ST6GALNAC3: variants seen among roughly 807,000 people sequenced by gnomAD.
The protein encoded by ST6GALNAC3 is ST6 N-acetylgalactosaminide alpha-2,6-sialyltransferase 3.
Under a neutral mutation model 32.7 loss-of-function variants are expected in ST6GALNAC3, and 25 were observed. The observed-to-expected ratio is 0.76, with a 90% confidence interval of 0.56 to 1.07. The LOEUF (loss-of-function observed/expected upper bound fraction) is 1.07. Ranked by LOEUF, ST6GALNAC3 falls within the 50% of genes least tolerant of loss-of-function variation. The probability of loss-of-function intolerance (pLI) is 0.00; values close to 1 mark genes in which losing one functional copy is unlikely to be tolerated. For missense variants in ST6GALNAC3, 355 were observed against 382.4 expected (o/e 0.93, Z 0.60); for synonymous variants, 129 against 133.1 (o/e 0.97, Z 0.21).
intron 3 of ST6GALNAC3, among the ~76,000 whole-genome samples, chr1:76,619,772 G>A (rs1363390090): frequency 6.6e-6 from 1 of 152,076 alleles, no homozygotes; most frequent in Non-Finnish European, 1.5e-5. Flanking sequence ...TACCAGGTTA[G>A]GGGATAGATC....
intron 1 of ST6GALNAC3, chr1:76,305,799 A>G (rs1439099648): frequency 2.2e-6 from 1 of 455,918 alleles, no homozygotes; most frequent in Non-Finnish European, 4.3e-6. Context: ...AGAATTATTT[A>G]TATAATCTCA....
At chr1:76,612,671 C>G (rs1191336878) in intron 3 of ST6GALNAC3, among the ~76,000 whole-genome samples, 1 of 152,240 alleles carries the variant, frequency 6.6e-6, no homozygotes, top group Admixed American at 6.5e-5. Flanking sequence ...TCGGCAGTTG[C>G]ACTTTTAAAA....
intron 1 of ST6GALNAC3, among the ~76,000 whole-genome samples, chr1:76,286,349 C>T (rs1333988911): frequency 3.3e-5 from 5 of 152,296 alleles, no homozygotes; most frequent in Non-Finnish European, 7.4e-5. Context: ...TAACCTTATA[C>T]CCAGTAATGA....
chr1:76,481,055 A>G (rs1256774642), intron 3 of ST6GALNAC3, among the ~76,000 whole-genome samples: 3 of 152,130 alleles, frequency 2.0e-5, no homozygotes. Flanking sequence ...CTGTGTATCT[A>G]TTGAAAATCT....
At chr1:76,147,554 A>C in intron 1 of ST6GALNAC3, among the ~76,000 whole-genome samples, 1 of 152,134 alleles carries the variant, frequency 6.6e-6, no homozygotes, top group East Asian at 1.9e-4. Flanking sequence ...TTTATGACAG[A>C]GAACTTTACC....
intron 1 of ST6GALNAC3, among the ~76,000 whole-genome samples, chr1:76,111,895 C>G (rs368807211): frequency 3.9e-5 from 6 of 152,280 alleles, no homozygotes; most frequent in Admixed American, 1.3e-4. Flanking sequence ...ACCTTTCCCC[C>G]CTTTCTATTC....
At chr1:76,618,744 A>G (rs1648452431) in intron 3 of ST6GALNAC3, among the ~76,000 whole-genome samples, 1 of 152,114 alleles carries the variant, frequency 6.6e-6, no homozygotes, top group Non-Finnish European at 1.5e-5. Context: ...TGTTCTCACG[A>G]TAAAGAGGAA....
At chr1:76,258,390 T>C (rs950462113) in intron 1 of ST6GALNAC3, among the ~76,000 whole-genome samples, 2 of 152,232 alleles carry the variant, frequency 1.3e-5, no homozygotes, top group Non-Finnish European at 2.9e-5. Context: ...CATCAAATAC[T>C]GCTTCTTCAG....
At chr1:76,591,817 C>T (rs1158645483) in intron 3 of ST6GALNAC3, among the ~76,000 whole-genome samples, 1 of 152,114 alleles carries the variant, frequency 6.6e-6, no homozygotes, top group Non-Finnish European at 1.5e-5. Flanking sequence ...CTAAGAAGGA[C>T]GTTCCAGAAG....
At chr1:76,160,785 T>C (rs1478337273) in intron 1 of ST6GALNAC3, among the ~76,000 whole-genome samples, 2 of 152,230 alleles carry the variant, frequency 1.3e-5, no homozygotes, top group African/African-American at 4.8e-5. Flanking sequence ...CAAGCTCTTA[T>C]TTCCTTGCAG....
At chr1:76,156,978 G>A (rs541634913) in intron 1 of ST6GALNAC3, among the ~76,000 whole-genome samples, 3 of 152,188 alleles carry the variant, frequency 2.0e-5, no homozygotes, top group Non-Finnish European at 2.9e-5. Flanking sequence ...TGATCTGCCC[G>A]CCTTGGCCTC....
intron 1 of ST6GALNAC3, among the ~76,000 whole-genome samples, chr1:76,275,018 T>C (rs1659055403): frequency 6.6e-6 from 1 of 152,232 alleles, no homozygotes; most frequent in African/African-American, 2.4e-5. Flanking sequence ...GTGGTGTCCC[T>C]GTAGACAGAG....
chr1:76,341,605 T>TTTGCTTGC (rs952057105), intron 2 of ST6GALNAC3, among the ~76,000 whole-genome samples: 6 of 91,186 alleles, frequency 6.6e-5, no homozygotes, highest in Non-Finnish European at 1.3e-4. Context: ...TCCAAACTGC[T>TTTGCTTGC]TTTCTTTCTT....
chr1:76,158,686 G>T lies in ST6GALNAC3; in HGVS notation c.18+83802G>T, dbSNP rs1173636368. ...AGTAGCTACCTCACTGGTCATAAGG[G>T]TTAAATAAGATAATGTATAAGACAG... On this transcript the variant is annotated intron_variant, in intron 1 of 4. Transcript: ENST00000328299. Among the ~76,000 whole-genome samples, 4 of 152,176 alleles carry T rather than the reference G, an allele frequency of 2.6e-5. No individual in the cohort carries two copies. The East Asian group carries it at 5.8e-4, about 22-fold the overall frequency.
chr1:76,336,902 C>T (rs931459112), intron 2 of ST6GALNAC3, among the ~76,000 whole-genome samples: 16 of 152,186 alleles, frequency 1.1e-4, no homozygotes, highest in Non-Finnish European at 2.4e-4. Context: ...AGTTGCTCCC[C>T]CTCCTCATTG....
chr1:76,554,234 C>T (rs1664791745), intron 3 of ST6GALNAC3, among the ~76,000 whole-genome samples: 1 of 152,122 alleles, frequency 6.6e-6, no homozygotes, highest in Non-Finnish European at 1.5e-5. Context: ...TAAATCTACA[C>T]CTTTATGGCC....
intron 2 of ST6GALNAC3, among the ~76,000 whole-genome samples, chr1:76,316,092 C>T (rs570598670): frequency 1.3e-4 from 20 of 151,980 alleles, no homozygotes; most frequent in East Asian, 9.7e-4. Flanking sequence ...ATACATGAAA[C>T]GCCAGATTGG....
At chr1:76,439,402 G>A (rs1656385001) in intron 3 of ST6GALNAC3, among the ~76,000 whole-genome samples, 1 of 152,140 alleles carries the variant, frequency 6.6e-6, no homozygotes, top group South Asian at 2.1e-4. Context: ...AAAAAAGGAA[G>A]TTTGTTTAAA....
intron 3 of ST6GALNAC3, among the ~76,000 whole-genome samples, chr1:76,518,026 AC>A (rs1662278601): frequency 6.6e-6 from 1 of 152,016 alleles, no homozygotes; most frequent in Admixed American, 6.6e-5. Flanking sequence ...GTTGGATATA[AC>A]TTTTAATATT....
Sources: allele counts gnomAD v4.1 joint callset (sites outside exome capture counted in the v4.1 genomes callset), GRCh38; gene constraint gnomAD v4.1.1; transcripts MANE v1.5; gene names NCBI Gene and HGNC (gene_info 2026-07-23, HGNC 2026-07-21).